RBMS3: variants seen among roughly 807,000 people sequenced by gnomAD.
RBMS3 encodes RNA-binding motif, single-stranded-interacting protein 3.
A neutral mutation model predicts 66.8 loss-of-function variants in RBMS3; 27 were observed. That is an observed-to-expected ratio of 0.40 (90% CI 0.30 to 0.56). The LOEUF (loss-of-function observed/expected upper bound fraction) is 0.56, where lower values mean the gene tolerates loss of function less well. RBMS3 is among the 20% of genes least tolerant of loss of function. RBMS3 has a pLI of 0.40. For synonymous variants in RBMS3, 188 were observed against 183.0 expected, an observed-to-expected ratio of 1.03 and a Z score of -0.22; for missense variants, 513 against 549.5, an observed-to-expected ratio of 0.93 and a Z score of 0.66.
intron 1 of RBMS3, among the ~76,000 whole-genome samples, chr3:29,323,192 CACAT>C (rs1445755720): frequency 3.3e-5 from 5 of 152,134 alleles, no homozygotes; most frequent in Admixed American, 6.6e-5. Context: ...CAGAGACAAA[CACAT>C]ACACAGTTGA....
At chr3:29,571,241 A>G (rs1268476051) in intron 3 of RBMS3, among the ~76,000 whole-genome samples, 2 of 152,060 alleles carry the variant, frequency 1.3e-5, no homozygotes, top group Non-Finnish European at 2.9e-5. Flanking sequence ...TCAGATGGGT[A>G]GTTTGCAAAT....
intron 13 of RBMS3, among the ~76,000 whole-genome samples, chr3:29,990,162 AAAT>A (rs1196833461): frequency 1.3e-5 from 2 of 150,852 alleles, no homozygotes; most frequent in African/African-American, 4.8e-5. Flanking sequence ...AGGTTTCAAA[AAAT>A]AAATAATACC....
chr3:29,543,074 G>C (rs2149015645), intron 3 of RBMS3, among the ~76,000 whole-genome samples: 1 of 152,256 alleles, frequency 6.6e-6, no homozygotes, highest in East Asian at 1.9e-4. Flanking sequence ...ATGGGCAGAG[G>C]ACAGAGACCA....
chr3:29,870,570 G>T (rs2059466827), intron 7 of RBMS3, among the ~76,000 whole-genome samples: 1 of 152,112 alleles, frequency 6.6e-6, no homozygotes, highest in Admixed American at 6.6e-5. Context: ...AAGACAAAAT[G>T]TAGAGAGTTA....
At chr3:29,558,630 T>A (rs1056208048) in intron 3 of RBMS3, among the ~76,000 whole-genome samples, 5 of 152,192 alleles carry the variant, frequency 3.3e-5, no homozygotes, top group African/African-American at 9.6e-5. Context: ...TGTTGGGTAC[T>A]GAAAATACAA....
intron 3 of RBMS3, among the ~76,000 whole-genome samples, chr3:29,507,297 T>A (rs994157808): frequency 1.3e-5 from 2 of 152,028 alleles, no homozygotes; most frequent in Non-Finnish European, 2.9e-5. Context: ...ACAGAAATAA[T>A]GTTTTAGGAA....
intron 8 of RBMS3, among the ~76,000 whole-genome samples, chr3:29,888,629 CT>C (rs1311267811): frequency 1.3e-5 from 2 of 151,712 alleles, no homozygotes; most frequent in East Asian, 1.9e-4. Flanking sequence ...TTCTAGCTTA[CT>C]AGGTACTGCT....
intron 12 of RBMS3, among the ~76,000 whole-genome samples, chr3:29,962,026 TTGTATGTATAATATATTATATATG>T (rs1473124768): frequency 2.1e-5 from 3 of 146,080 alleles, no homozygotes; most frequent in African/African-American, 7.5e-5. Flanking sequence ...TATATATATT[TTGTATGTATAATATATTATATATG>T]TGTATATATA....
chr3:29,892,579 G>A (rs895555305), intron 8 of RBMS3, among the ~76,000 whole-genome samples: 3 of 151,288 alleles, frequency 2.0e-5, no homozygotes, highest in African/African-American at 7.3e-5. Context: ...AGAGGCACTT[G>A]GTATATACAT....
chr3:29,380,813 A>G (rs946641370), intron 1 of RBMS3, among the ~76,000 whole-genome samples: 2 of 152,194 alleles, frequency 1.3e-5, no homozygotes, highest in East Asian at 1.9e-4. Context: ...GCCTTGTCCT[A>G]TTGAAAAACC....
At chr3:29,955,985 G>A (rs1019163186) in intron 12 of RBMS3, among the ~76,000 whole-genome samples, 1 of 152,024 alleles carries the variant, frequency 6.6e-6, no homozygotes, top group East Asian at 1.9e-4. Context: ...GGGAAGCAAG[G>A]TGGACTATAA....
intron 7 of RBMS3, 110 bp downstream of exon 7, chr3:29,869,074 C>A: frequency 2.4e-6 from 2 of 827,894 alleles, no homozygotes; most frequent in Non-Finnish European, 3.7e-6. Context: ...ATGGAACACC[C>A]AATGTCTTCA....
At chr3:29,759,820 C>A (rs2055587346) in intron 5 of RBMS3, among the ~76,000 whole-genome samples, 1 of 152,066 alleles carries the variant, frequency 6.6e-6, no homozygotes. Context: ...ATATTGCCAT[C>A]TTTGCTGGGA....
At chr3:29,871,013 A>G (rs143665885) in intron 7 of RBMS3, among the ~76,000 whole-genome samples, 6 of 152,088 alleles carry the variant, frequency 3.9e-5, no homozygotes, top group Non-Finnish European at 8.8e-5. Context: ...CCATCACTTT[A>G]TATTTTTTGC....
rs549519389 is a variant in RBMS3, at chr3:29,366,898, C to T, written c.76-67845C>T. Among the ~76,000 whole-genome samples the T allele has an allele frequency of 4.6e-5, 7 of 152,192 alleles. No homozygotes were observed. In the East Asian group the frequency reaches 1.2e-3, roughly 25 times the overall value. Reference sequence around the variant, plus strand: ...TTGACATGAAAATAAAAGTCAGTCTCTAATAGAAAAGCATTTTGGTCCTTG... The same window carrying T: ...TTGACATGAAAATAAAAGTCAGTCTTTAATAGAAAAGCATTTTGGTCCTTG... On this transcript the variant is annotated intron_variant, in intron 1 of 14. Coordinates refer to ENST00000383767, the MANE Select transcript of RBMS3 (RefSeq NM_001003793.3).
chr3:29,437,081 T>C (rs1291886550), intron 2 of RBMS3, among the ~76,000 whole-genome samples: 1 of 152,236 alleles, frequency 6.6e-6, no homozygotes, highest in African/African-American at 2.4e-5. Context: ...GTATCAGCAG[T>C]GTGCTGGAGC....
chr3:29,905,227 A>T (rs2060348245), intron 10 of RBMS3, among the ~76,000 whole-genome samples: 1 of 152,030 alleles, frequency 6.6e-6, no homozygotes, highest in Admixed American at 6.6e-5. Context: ...TTACAGAAAT[A>T]GGTATGGCCA....
intron 1 of RBMS3, among the ~76,000 whole-genome samples, chr3:29,351,160 T>A (rs2036891726): frequency 6.6e-6 from 1 of 152,124 alleles, no homozygotes. Flanking sequence ...TTTGCTGTAG[T>A]TAATTAGTCC....
At chr3:29,665,532 A>G (rs2149237375) in intron 4 of RBMS3, among the ~76,000 whole-genome samples, 1 of 152,276 alleles carries the variant, frequency 6.6e-6, no homozygotes, top group Non-Finnish European at 1.5e-5. Flanking sequence ...ATTTGTCAGG[A>G]ATCGTGTCAC....
Sources: gnomAD v4.1 joint callset for allele counts (sites outside exome capture counted in the v4.1 genomes callset) on GRCh38, gnomAD v4.1.1 for gene constraint, MANE v1.5 for transcripts, NCBI Gene and HGNC (gene_info 2026-07-23, HGNC 2026-07-21) for gene names.